CAD: variants seen among roughly 807,000 people sequenced by gnomAD.
CAD encodes multifunctional protein CAD.
A neutral mutation model predicts 237.2 loss-of-function variants in CAD; 81 were observed. The ratio of observed to expected loss-of-function variants is 0.34; its 90% CI spans 0.29 to 0.41. CAD has a LOEUF of 0.41. Among genes scored for constraint, CAD ranks in the 10% least tolerant of loss-of-function variants. CAD has a pLI of 1.00. For synonymous variants in CAD, 1,196 were observed against 1,162.8 expected (o/e 1.03, Z -0.58); for missense variants, 2,181 against 2,951.7 (o/e 0.74, Z 6.05).
chr2:27,235,043 T>A lies in CAD; in HGVS notation c.3787-202T>A, dbSNP rs183618074. Among the ~76,000 whole-genome samples the A allele has an allele frequency of 1.8e-4, 28 of 152,078 alleles. No individual in the cohort carries two copies. Among genetic ancestry groups the A allele is most frequent in the Admixed American group, 3.3e-4 (5 of 15,284 alleles). On this transcript the variant is annotated intron_variant, in intron 23 of 43. Coordinates refer to ENST00000264705, the MANE Select transcript of CAD (RefSeq NM_004341.5). This position sits in a 1 kb window ranked among gnomAD's most constrained non-coding sequence, Gnocchi z 5.2. ...ATTGAGTTTTGAAGGATGGTTAAGG[T>A]TTTTTATTTGCAAGGGCACATCCTA...
chr2:27,237,505 C>T lies in CAD; in HGVS notation c.4523C>T (p.Pro1508Leu). 1 of 1,614,100 alleles carries T rather than the reference C, an allele frequency of 6.2e-7. No homozygotes were observed. The highest frequency in any genetic ancestry group is 8.5e-7 in the Non-Finnish European group (1 of 1,180,010). ...GTGTGTGCCATGCCTAATACCCGGCCCCCCATCATTGACGCCCCTGCTCTG... is the reference window on the plus strand; with the variant it reads ...GTGTGTGCCATGCCTAATACCCGGCTCCCCATCATTGACGCCCCTGCTCTG... ...TMVCAMPNTR[P>L]PIIDAPALAL... Residue 1508 changes from proline (P) to leucine (L), a missense_variant, in exon 28 of 44, where the codon CCC becomes CTC. Physicochemically the swap from Pro to Leu is moderately conservative, Grantham distance 98 (BLOSUM62 -3). Coordinates refer to ENST00000264705, the MANE Select transcript of CAD (RefSeq NM_004341.5). This position sits in a 1 kb window ranked among gnomAD's most constrained non-coding sequence, Gnocchi z 4.0.
intron 2 of CAD, among the ~76,000 whole-genome samples, chr2:27,220,840 C>A (rs1055055499): frequency 6.6e-6 from 1 of 151,990 alleles, no homozygotes; most frequent in Non-Finnish European, 1.5e-5. Flanking sequence ...CGCCTGTAGT[C>A]CCAGCTACTC....
intron 15 of CAD, 131 bp from the exon 16 acceptor site, chr2:27,231,337 A>C (rs975974344): frequency 1.1e-5 from 7 of 637,214 alleles, no homozygotes; most frequent in Non-Finnish European, 1.7e-5. Context: ...AACACCATGA[A>C]TCCCACCATC....
chr2:27,237,941 C>T lies in CAD; in HGVS notation c.4728+59C>T, dbSNP rs1373303156. On this transcript the variant is annotated intron_variant, in intron 29 of 43. Transcript: ENST00000264705. This position sits in a 1 kb window ranked among gnomAD's most constrained non-coding sequence, Gnocchi z 4.0. Reference sequence around the variant, plus strand: ...CCAGTGTCTCCTGGCTTGTGGGCCCCTGCCTAAGTGGGCTGGTAGCAGTGA... The same window carrying T: ...CCAGTGTCTCCTGGCTTGTGGGCCCTTGCCTAAGTGGGCTGGTAGCAGTGA... 3.2e-6 allele frequency: 5 copies of T among 1,575,386 alleles called. No individual in the cohort carries two copies. In the African/African-American group the frequency reaches 4.0e-5, roughly 13 times the overall value.
Position 27,237,493 on chromosome 2 carries a change from C to G in CAD, c.4511C>G (p.Pro1504Arg), listed in dbSNP as rs1676070612. 1 of 1,614,150 alleles carries G rather than the reference C, an allele frequency of 6.2e-7. No homozygotes were observed. Among genetic ancestry groups the G allele is most frequent in the East Asian group, 2.2e-5 (1 of 44,888 alleles). Residue 1504 changes from proline to arginine, a missense_variant, in exon 28 of 44, where the codon CCT becomes CGT. Pro to Arg is a moderately radical substitution (Grantham distance 103, BLOSUM62 -2). Coordinates refer to ENST00000264705, the MANE Select transcript of CAD (RefSeq NM_004341.5). This position sits in a 1 kb window ranked among gnomAD's most constrained non-coding sequence, Gnocchi z 4.0. ...AGGITMVCAMPNTRPPIIDAP... is the reference protein window; with the variant it reads ...AGGITMVCAMRNTRPPIIDAP... ...GGTATCACCATGGTGTGTGCCATGC[C>G]TAATACCCGGCCCCCCATCATTGAC...
chr2:27,238,895 T>A (rs1676155452), intron 31 of CAD, 147 bp from the exon 32 acceptor site: 4 of 819,024 alleles, frequency 4.9e-6, no homozygotes, highest in Non-Finnish European at 7.8e-6. Context: ...GCAGTCCTGT[T>A]GCCCTTGTTT....
chr2:27,243,449 C>T lies in CAD; in HGVS notation c.6609C>T (p.Tyr2203=). Residue 2203 remains tyrosine (Y), a synonymous_variant, in exon 44 of 44, where the codon TAC becomes TAT. Transcript: ENST00000264705. The part of the protein sequence containing the change: ...VEVDSDPRAA[Y]FRQAENGMYI... ...TGGACTCGGATCCCCGCGCAGCCTA[C>T]TTCCGCCAGGCTGAGAACGGCATGT... 1.9e-6 allele frequency: 3 copies of T among 1,578,094 alleles called. No individual in the cohort carries two copies. The highest frequency in any genetic ancestry group is 2.6e-6 in the Non-Finnish European group (3 of 1,158,038).
rs1239751152 is a variant in CAD, at chr2:27,237,367, A to G, written c.4397-12A>G. On this transcript the variant is annotated splice_polypyrimidine_tract_variant and intron_variant, in intron 27 of 43. Coordinates refer to ENST00000264705, the MANE Select transcript of CAD (RefSeq NM_004341.5). The surrounding 1 kb of genome is among the most constrained non-coding windows in gnomAD (Gnocchi z 4.0). ...ATCTTCCTGTAATCTTGCTGCTTCC[A>G]TTTTCTCCCAGGATTGATTGATGTC... The G allele has an allele frequency of 2.5e-6, 4 of 1,612,686 alleles. No homozygotes were observed. Among genetic ancestry groups the G allele is most frequent in the African/African-American group, 1.3e-5 (1 of 74,830 alleles).
At position 27,239,265 on chromosome 2, in the gene CAD, C is replaced by T; in HGVS notation, c.5253+33C>T. 6.2e-7 allele frequency: 1 copy of T among 1,600,804 alleles called. No homozygotes were observed. The highest frequency in any genetic ancestry group is 1.1e-5 in the South Asian group (1 of 90,694). ...GATGAGGCCCAGAGCAGGAGGGGGGCTCTCCAGCCCTAGGATATGTTCTCT... is the reference window on the plus strand; with the variant it reads ...GATGAGGCCCAGAGCAGGAGGGGGGTTCTCCAGCCCTAGGATATGTTCTCT... On this transcript the variant is annotated intron_variant, in intron 32 of 43. Coordinates refer to ENST00000264705, the MANE Select transcript of CAD (RefSeq NM_004341.5). This position sits in a 1 kb window ranked among gnomAD's most constrained non-coding sequence, Gnocchi z 4.0.
chr2:27,222,373 G>A (rs201598802), intron 4 of CAD, 37 bp downstream of exon 4: 52 of 1,595,426 alleles, frequency 3.3e-5, no homozygotes, highest in Middle Eastern at 1.7e-4. Context: ...GCAAGCTCTA[G>A]CACAGTAGTT....
At chr2:27,224,119 A>G in intron 8 of CAD, 90 bp downstream of exon 8, 1 of 1,031,236 alleles carries the variant, frequency 9.7e-7, no homozygotes, top group African/African-American at 1.6e-5. Flanking sequence ...GGCAACTCCT[A>G]GATGTCTAGG....
Position 27,217,470 on chromosome 2 carries a change from G to A in CAD, c.-82G>A. 1 of 1,233,326 alleles carries A rather than the reference G, an allele frequency of 8.1e-7. No homozygotes were observed. 76.4% of individuals were successfully genotyped at this position (1,233,326 alleles called of 1,614,324 possible). ...GTTAGCCACGTGGACCGACTCCGGC[G>A]CGCCGTCCTCACGTGGTTCCAGTGG... On this transcript the variant is annotated 5_prime_UTR_variant, in exon 1 of 44. Coordinates refer to ENST00000264705, the MANE Select transcript of CAD (RefSeq NM_004341.5).
chr2:27,221,794 T>C (rs1227239938), intron 3 of CAD, among the ~76,000 whole-genome samples: 1 of 136,180 alleles, frequency 7.3e-6, no homozygotes, highest in Non-Finnish European at 1.5e-5. Flanking sequence ...TTCATTTGAA[T>C]CTTGCTCTAA....
chr2:27,237,465 G>A lies in CAD; in HGVS notation c.4483G>A (p.Gly1495Arg). 6.2e-7 allele frequency: 1 copy of A among 1,614,178 alleles called. No homozygotes were observed. The highest frequency in any genetic ancestry group is 1.7e-5 in the Admixed American group (1 of 60,032). ...FASGTAAALAGGITMVCAMPN... is the reference protein window; with the variant it reads ...FASGTAAALARGITMVCAMPN... Reference sequence around the variant, plus strand: ...TTCAGGCACAGCCGCTGCCCTGGCTGGGGGTATCACCATGGTGTGTGCCAT... The same window carrying A: ...TTCAGGCACAGCCGCTGCCCTGGCTAGGGGTATCACCATGGTGTGTGCCAT... The change falls in exon 28 of 44, where the codon GGG becomes AGG. Residue 1495 changes from glycine (G) to arginine (R), a missense_variant. By Grantham distance (125) the Gly-to-Arg change is moderately radical. Transcript: ENST00000264705. The surrounding 1 kb of genome is among the most constrained non-coding windows in gnomAD (Gnocchi z 4.0).
Position 27,239,288 on chromosome 2 carries a change from T to G in CAD, c.5254-43T>G. ...GGCTCTCCAGCCCTAGGATATGTTCTCTGGGGATCCTTTCCCTAGCATAAC... is the reference window on the plus strand; with the variant it reads ...GGCTCTCCAGCCCTAGGATATGTTCGCTGGGGATCCTTTCCCTAGCATAAC... On this transcript the variant is annotated intron_variant, in intron 32 of 43. Coordinates refer to ENST00000264705, the MANE Select transcript of CAD (RefSeq NM_004341.5). This position sits in a 1 kb window ranked among gnomAD's most constrained non-coding sequence, Gnocchi z 4.0. 1.2e-6 allele frequency: 2 copies of G among 1,604,030 alleles called. No individual in the cohort carries two copies. Among genetic ancestry groups the G allele is most frequent in the Non-Finnish European group, 1.7e-6 (2 of 1,171,918 alleles).
rs751801247 is a variant in CAD, at chr2:27,237,355, C to A, written c.4397-24C>A. 4.3e-6 allele frequency: 7 copies of A among 1,612,012 alleles called. No individual in the cohort carries two copies. Among genetic ancestry groups the A allele is most frequent in the Non-Finnish European group, 4.2e-6 (5 of 1,178,474 alleles). ...TCCTATTTCTGAATCTTCCTGTAAT[C>A]TTGCTGCTTCCATTTTCTCCCAGGA... On this transcript the variant is annotated intron_variant, in intron 27 of 43. Coordinates refer to ENST00000264705, the MANE Select transcript of CAD (RefSeq NM_004341.5). The surrounding 1 kb of genome is among the most constrained non-coding windows in gnomAD (Gnocchi z 4.0).
intron 11 of CAD, 60 bp downstream of exon 11, chr2:27,225,303 C>CTTTTTTTT (rs1221617250): frequency 1.5e-5 from 8 of 542,764 alleles, no homozygotes; most frequent in African/African-American, 2.7e-5. Context: ...GTGTTATTTT[C>CTTTTTTTT]TTTTTTTTTT....
Position 27,242,222 on chromosome 2 carries a change from T to G in CAD, c.6097-80T>G, listed in dbSNP as rs1676354815. 6.3e-7 allele frequency: 1 copy of G among 1,580,826 alleles called. No individual in the cohort carries two copies. Among genetic ancestry groups the G allele is most frequent in the Middle Eastern group, 1.9e-4 (1 of 5,390 alleles). On this transcript the variant is annotated intron_variant, in intron 39 of 43. Transcript: ENST00000264705. The surrounding 1 kb of genome is among the most constrained non-coding windows in gnomAD (Gnocchi z 6.4). ...TTTTCTGTGTTTTGGGCCAGATGAG[T>G]GAGGGGACCCCAGAAGAGGGGGACT...
Position 27,226,122 on chromosome 2 carries a change from C to A in CAD, c.1843-9C>A. The A allele has an allele frequency of 6.2e-7, 1 of 1,613,020 alleles. No homozygotes were observed. Among genetic ancestry groups the A allele is most frequent in the Non-Finnish European group, 8.5e-7 (1 of 1,179,118 alleles). On this transcript the variant is annotated splice_polypyrimidine_tract_variant and intron_variant, in intron 12 of 43. Coordinates refer to ENST00000264705, the MANE Select transcript of CAD (RefSeq NM_004341.5). ...TTGGCAGTGACCTCCATGGCACCCC[C>A]CTTCACAGGTGTGTAACATGGAGAA...
Sources: gnomAD v4.1 joint callset for allele counts (sites outside exome capture counted in the v4.1 genomes callset) on GRCh38, gnomAD v4.1.1 for gene constraint, Gnocchi (gnomAD v3.1) non-coding constraint, MANE v1.5 for transcripts, NCBI Gene and HGNC (gene_info 2026-07-23, HGNC 2026-07-21) for gene names.